The following RCOR1 variants were observed in gnomAD, a reference collection of about 807,000 sequenced individuals.
The protein encoded by RCOR1 is REST corepressor.
RCOR1 carries 12 observed loss-of-function variants against 64.0 expected under a neutral mutation model. The ratio of observed to expected loss-of-function variants is 0.19; its 90% CI spans 0.12 to 0.30. The LOEUF is 0.30. Among genes scored for constraint, RCOR1 ranks in the 10% least tolerant of loss-of-function variants. RCOR1 has a pLI of 1.00. For missense variants in RCOR1, 502 were observed against 621.2 expected (o/e 0.81, Z 2.04); for synonymous variants, 279 against 227.2 (o/e 1.23, Z -2.05).
intron 2 of RCOR1, among the ~76,000 whole-genome samples, chr14:102,671,476 G>A (rs1427721644): frequency 6.6e-6 from 1 of 152,074 alleles, no homozygotes; most frequent in Non-Finnish European, 1.5e-5. Context: ...GCTCACTACA[G>A]CCTTGAACTC....
intron 2 of RCOR1, among the ~76,000 whole-genome samples, chr14:102,593,701 C>A (rs1435768649): frequency 6.6e-6 from 1 of 152,168 alleles, no homozygotes; most frequent in African/African-American, 2.4e-5. Flanking sequence ...GTCCTGCGAG[C>A]GCCCCGGACT....
chr14:102,642,040 A>C lies in RCOR1; in HGVS notation c.362-39855A>C, dbSNP rs528111810. On this transcript the variant is annotated intron_variant, in intron 2 of 11. Coordinates refer to ENST00000262241, the MANE Select transcript of RCOR1 (RefSeq NM_015156.4). ...TGATAGTACCTCTCGTGATTTGATAAGGTCCATTATTTGGGGACAAGGGTG... is the reference window on the plus strand; with the variant it reads ...TGATAGTACCTCTCGTGATTTGATACGGTCCATTATTTGGGGACAAGGGTG... 3.9e-5 allele frequency among the ~76,000 whole-genome samples: 6 copies of C among 152,330 alleles called. No individual in the cohort carries two copies. The South Asian group carries it at 1.0e-3, about 26-fold the overall frequency.
intron 11 of RCOR1, 45 bp from the exon 12 acceptor site, chr14:102,726,423 C>T (rs780406944): frequency 8.7e-5 from 124 of 1,432,836 alleles, no homozygotes; most frequent in Admixed American, 4.1e-4. Context: ...GTGTTGTTTA[C>T]CTACTCTTTG....
intron 2 of RCOR1, among the ~76,000 whole-genome samples, chr14:102,642,539 C>A (rs1311667248): frequency 6.6e-6 from 1 of 152,100 alleles, no homozygotes; most frequent in Admixed American, 6.6e-5. Context: ...TAAACTTGTT[C>A]AGAAGTTAAT....
intron 2 of RCOR1, among the ~76,000 whole-genome samples, chr14:102,661,637 G>A (rs977419703): frequency 3.9e-5 from 6 of 152,238 alleles, no homozygotes; most frequent in African/African-American, 1.2e-4. Context: ...GAGGTGAGCA[G>A]AGGGAGTTCC....
chr14:102,640,868 G>A (rs1894354281), intron 2 of RCOR1, among the ~76,000 whole-genome samples: 1 of 152,194 alleles, frequency 6.6e-6, no homozygotes, highest in Admixed American at 6.5e-5. Flanking sequence ...TCTGAAGTGG[G>A]AGGATCACTT....
chr14:102,716,078 T>C (rs1016312102), intron 8 of RCOR1, among the ~76,000 whole-genome samples: 1 of 152,214 alleles, frequency 6.6e-6, no homozygotes, highest in Non-Finnish European at 1.5e-5. Context: ...AGTCTTAAAT[T>C]TTAGCCCTTC....
intron 4 of RCOR1, among the ~76,000 whole-genome samples, chr14:102,703,215 C>A (rs1046221814): frequency 1.3e-5 from 2 of 152,098 alleles, no homozygotes; most frequent in African/African-American, 4.8e-5. Context: ...CCTAAGGTAC[C>A]CTAGGGACAC....
At chr14:102,654,631 C>T (rs1894683573) in intron 2 of RCOR1, among the ~76,000 whole-genome samples, 1 of 151,392 alleles carries the variant, frequency 6.6e-6, no homozygotes, top group African/African-American at 2.4e-5. Flanking sequence ...CTTTGAGAGG[C>T]GAAGATGGGG....
chr14:102,598,641 G>T (rs1174794936), intron 2 of RCOR1, among the ~76,000 whole-genome samples: 3 of 151,644 alleles, frequency 2.0e-5, no homozygotes, highest in African/African-American at 7.3e-5. Context: ...GTAGAGACGG[G>T]GTTCCACCAT....
chr14:102,700,767 A>C (rs936515148), intron 3 of RCOR1, among the ~76,000 whole-genome samples: 6 of 152,168 alleles, frequency 3.9e-5, no homozygotes, highest in Non-Finnish European at 7.3e-5. Context: ...AACTATTATA[A>C]TGGTTCTGTT....
At chr14:102,631,672 T>C (rs956827137) in intron 2 of RCOR1, among the ~76,000 whole-genome samples, 6 of 152,190 alleles carry the variant, frequency 3.9e-5, no homozygotes, top group African/African-American at 2.4e-5. Flanking sequence ...GAATCTGTTT[T>C]CCTGCAGTTC....
At chr14:102,627,648 C>T (rs1186543167) in intron 2 of RCOR1, among the ~76,000 whole-genome samples, 2 of 150,118 alleles carry the variant, frequency 1.3e-5, no homozygotes, top group African/African-American at 4.9e-5. Context: ...CAGAGTGAGA[C>T]TCTGTCTTAA....
In RCOR1 at chr14:102,632,782, C is replaced by T. The variant is rs1448364452; in HGVS notation, c.361+39457C>T. On this transcript the variant is annotated intron_variant, in intron 2 of 11. Transcript: ENST00000262241. ...CCCCTCCCCTCCCCTCTCCTCCCCT[C>T]TCCTCTCTCCTCTCTCGTCTCTCCT... Among the ~76,000 whole-genome samples the T allele has an allele frequency of 1.6e-3, 182 of 112,936 alleles. 5 individuals carry two copies. The highest frequency in any genetic ancestry group is 2.5e-3 in the Admixed American group (26 of 10,282). The allele number at this position is 112,936 out of a possible 152,430, so 74.1% of individuals were successfully genotyped here.
chr14:102,707,980 T>G (rs77974888), intron 5 of RCOR1, among the ~76,000 whole-genome samples: 1 of 150,026 alleles, frequency 6.7e-6, no homozygotes, highest in African/African-American at 2.5e-5. Flanking sequence ...TTTTTTTTTT[T>G]TTTGAGATGG....
intron 2 of RCOR1, among the ~76,000 whole-genome samples, chr14:102,635,084 T>C (rs1298544835): frequency 6.6e-6 from 1 of 152,072 alleles, no homozygotes; most frequent in African/African-American, 2.4e-5. Flanking sequence ...TCCTCCTGCC[T>C]TGGCCTCCTA....
In RCOR1 at chr14:102,693,234, T is replaced by TA. The variant is rs1276039776; in HGVS notation, c.446-8043dup. On this transcript the variant is annotated intron_variant, in intron 3 of 11. Transcript: ENST00000262241. ...TTCATAGTTCTTTTTCTCGGTCACT[T>TA]ACGACAATTGGAATTCATTTGTATG... 3.9e-5 allele frequency among the ~76,000 whole-genome samples: 6 copies of TA among 152,324 alleles called. No individual in the cohort carries two copies. The South Asian group carries it at 8.3e-4, about 21-fold the overall frequency.
chr14:102,653,883 C>A (rs1374744520), intron 2 of RCOR1, among the ~76,000 whole-genome samples: 1 of 150,766 alleles, frequency 6.6e-6, no homozygotes, highest in African/African-American at 2.4e-5. Context: ...GAAACCTCTT[C>A]TCTTTATAAA....
rs1896270868 is a variant in RCOR1, at chr14:102,726,698, C to G, written c.*192C>G. The stretch of plus-strand genomic sequence containing the variant: ...TCGTTCCTCCATGTTGGCGCCACTT[C>G]CCAGAGAGCTCCACTGCATCTCACA... On this transcript the variant is annotated 3_prime_UTR_variant, in exon 12 of 12. Coordinates refer to ENST00000262241, the MANE Select transcript of RCOR1 (RefSeq NM_015156.4). 8.7e-6 allele frequency: 5 copies of G among 573,730 alleles called. No homozygotes were observed. The highest frequency in any genetic ancestry group is 9.1e-6 in the Non-Finnish European group (3 of 329,768). 35.5% of individuals were successfully genotyped at this position (573,730 alleles called of 1,614,324 possible).
Sources: allele counts gnomAD v4.1 joint callset (sites outside exome capture counted in the v4.1 genomes callset), GRCh38; gene constraint gnomAD v4.1.1; transcripts MANE v1.5; gene names NCBI Gene and HGNC (gene_info 2026-07-23, HGNC 2026-07-21).